The following COLEC11 variants were observed in gnomAD, a reference collection of about 807,000 sequenced individuals.
COLEC11 encodes collectin-11.
A neutral mutation model predicts 27.3 loss-of-function variants in COLEC11; 20 were observed. The ratio of observed to expected loss-of-function variants is 0.73; its 90% confidence interval spans 0.51 to 1.06. The LOEUF (loss-of-function observed/expected upper bound fraction) is 1.06. Ranked by LOEUF, COLEC11 falls within the 50% of genes least tolerant of loss-of-function variation. The probability of loss-of-function intolerance (pLI) is 0.00; values close to 1 mark genes in which losing one functional copy is unlikely to be tolerated. For synonymous variants in COLEC11, 163 were observed against 154.7 expected (o/e 1.05, Z -0.40); for missense variants, 310 against 383.0 (o/e 0.81, Z 1.59).
At chr2:3,600,674 G>C (rs1662153460) in intron 1 of COLEC11, among the ~76,000 whole-genome samples, 1 of 152,248 alleles carries the variant, frequency 6.6e-6, no homozygotes, top group African/African-American at 2.4e-5. Flanking sequence ...TGGGAGCGGG[G>C]CTGGGGCTTT....
intron 2 of COLEC11, among the ~76,000 whole-genome samples, chr2:3,606,518 G>A (rs1662713035): frequency 6.6e-6 from 1 of 152,194 alleles, no homozygotes; most frequent in South Asian, 2.1e-4. Context: ...TTGGGGAGGC[G>A]ATGCCAGCTT....
chr2:3,639,822 G>T (rs1431347201), intron 4 of COLEC11, among the ~76,000 whole-genome samples: 1 of 152,168 alleles, frequency 6.6e-6, no homozygotes, highest in East Asian at 1.9e-4. Flanking sequence ...GGATGGGAAG[G>T]ACCTTGAGCC....
intron 3 of COLEC11, among the ~76,000 whole-genome samples, chr2:3,632,886 A>T (rs961776597): frequency 9.1e-6 from 1 of 109,942 alleles, no homozygotes; most frequent in Admixed American, 9.7e-5. Context: ...TCACCTTCCC[A>T]TGAAAAAGCA....
At position 3,604,321 on chromosome 2, in the gene COLEC11, G is replaced by A. The variant is rs199779082; in HGVS notation, c.-20G>A. 7 of 1,614,174 alleles carry A rather than the reference G, an allele frequency of 4.3e-6. No individual in the cohort carries two copies. In the African/African-American group the frequency reaches 5.3e-5, roughly 12 times the overall value. On this transcript the variant is annotated 5_prime_UTR_variant, in exon 2 of 7. It adds an upstream start codon to the 5' untranslated region. Transcript: ENST00000349077. Reference sequence around the variant, plus strand: ...TATTCCTTCCTCTGTGTAGGAGTTGGTGTCCTGCCTGCGCTCAGGATGAGG... The same window carrying A: ...TATTCCTTCCTCTGTGTAGGAGTTGATGTCCTGCCTGCGCTCAGGATGAGG...
At position 3,608,577 on chromosome 2, in the gene COLEC11, C is replaced by G. The variant is rs1277102352; in HGVS notation, c.130+4107C>G. Among the ~76,000 whole-genome samples the G allele has an allele frequency of 2.6e-5, 4 of 152,284 alleles. No individual in the cohort carries two copies. In the East Asian group the frequency reaches 5.8e-4, roughly 22 times the overall value. ...GTGGGTCACGCCTGTGATCCCGGCACTTTGGGAAGCCGAGGTGGGAGGATG... is the reference window on the plus strand; with the variant it reads ...GTGGGTCACGCCTGTGATCCCGGCAGTTTGGGAAGCCGAGGTGGGAGGATG... On this transcript the variant is annotated intron_variant, in intron 2 of 6. Transcript: ENST00000349077.
intron 1 of COLEC11, among the ~76,000 whole-genome samples, chr2:3,595,706 G>C (rs577767576): frequency 6.6e-6 from 1 of 152,172 alleles, no homozygotes; most frequent in Non-Finnish European, 1.5e-5. Flanking sequence ...TTCAGATGGG[G>C]TCATCTAAAA....
At chr2:3,606,125 G>T in intron 2 of COLEC11, 2 of 1,550,636 alleles carry the variant, frequency 1.3e-6, no homozygotes, top group Non-Finnish European at 1.7e-6. Context: ...GGAACCTTCA[G>T]CTTTAGGTTG....
chr2:3,613,263 G>T, intron 2 of COLEC11, 48 bp from the exon 3 acceptor site: 1 of 1,562,918 alleles, frequency 6.4e-7, no homozygotes, highest in Non-Finnish European at 8.7e-7. Flanking sequence ...ACTCTGAGAC[G>T]CTGTGCTGGC....
At chr2:3,595,595 C>T (rs1285997908) in intron 1 of COLEC11, among the ~76,000 whole-genome samples, 1 of 152,202 alleles carries the variant, frequency 6.6e-6, no homozygotes, top group African/African-American at 2.4e-5. Flanking sequence ...CACGACTGCC[C>T]CCAGGGACCA....
At chr2:3,614,987 C>T (rs1477863923) in intron 3 of COLEC11, among the ~76,000 whole-genome samples, 1 of 152,188 alleles carries the variant, frequency 6.6e-6, no homozygotes, top group East Asian at 1.9e-4. Flanking sequence ...AAGAATTCTA[C>T]ACCCAGCTAA....
intron 3 of COLEC11, among the ~76,000 whole-genome samples, chr2:3,621,697 T>C (rs1267507962): frequency 6.6e-6 from 1 of 152,248 alleles, no homozygotes; most frequent in African/African-American, 2.4e-5. Context: ...CTTTCTTTTG[T>C]GTATGTACTA....
In COLEC11 at chr2:3,636,198, C is replaced by T. The variant is rs1324678690; in HGVS notation, c.203-1335C>T. On this transcript the variant is annotated intron_variant, in intron 3 of 6. Transcript: ENST00000349077. Reference sequence around the variant, plus strand: ...CACCGCCGGGCGCAGTGGCTCACGCCGTAATCCCAGCACTTTGGGAGGCCG... The same window carrying T: ...CACCGCCGGGCGCAGTGGCTCACGCTGTAATCCCAGCACTTTGGGAGGCCG... Among the ~76,000 whole-genome samples, 7 of 152,100 alleles carry T rather than the reference C, an allele frequency of 4.6e-5. No individual in the cohort carries two copies. The South Asian group carries it at 6.2e-4, about 14-fold the overall frequency.
intron 3 of COLEC11, among the ~76,000 whole-genome samples, chr2:3,631,881 G>T (rs1436539604): frequency 1.3e-5 from 2 of 152,190 alleles, no homozygotes; most frequent in Non-Finnish European, 2.9e-5. Context: ...CATGTGTCCA[G>T]CCCCTGGCTC....
At chr2:3,628,058 G>C (rs1664688638) in intron 3 of COLEC11, among the ~76,000 whole-genome samples, 1 of 152,252 alleles carries the variant, frequency 6.6e-6, no homozygotes, top group East Asian at 1.9e-4. Flanking sequence ...GAGTGGGCCT[G>C]GGGTCTGCAG....
At chr2:3,618,941 G>A (rs924717016) in intron 3 of COLEC11, among the ~76,000 whole-genome samples, 14 of 152,212 alleles carry the variant, frequency 9.2e-5, no homozygotes, top group African/African-American at 3.4e-4. Flanking sequence ...CAAGGAGATT[G>A]TTTCCTTAAT....
intron 2 of COLEC11, among the ~76,000 whole-genome samples, chr2:3,607,495 TG>T (rs1662825967): frequency 7.2e-6 from 1 of 138,580 alleles, no homozygotes; most frequent in African/African-American, 2.5e-5. Context: ...TTGCCCAGGC[TG>T]GAGTGCAATG....
Position 3,616,160 on chromosome 2 carries a change from A to G in COLEC11, c.202+2778A>G, listed in dbSNP as rs373545458. On this transcript the variant is annotated intron_variant, in intron 3 of 6. Transcript: ENST00000349077. ...CAGAGGCGCTCCTCACATCCCAGAC[A>G]GGGCGGCGGGGCAGAGGCGCTCCCC... Among the ~76,000 whole-genome samples, 1,235 of 135,118 alleles carry G rather than the reference A, an allele frequency of 9.1e-3. 25 individuals are homozygous for G. Among genetic ancestry groups the G allele is most frequent in the African/African-American group, 0.035 (1,125 of 32,550 alleles). The allele number at this position is 135,118 out of a possible 152,430, so 88.6% of individuals were successfully genotyped here.
chr2:3,633,791 T>A (rs897985239), intron 3 of COLEC11, among the ~76,000 whole-genome samples: 2 of 151,988 alleles, frequency 1.3e-5, no homozygotes, highest in Admixed American at 1.3e-4. Context: ...GGAAGATGCG[T>A]GTTCCCGACC....
chr2:3,618,308 T>G (rs1280733213), intron 3 of COLEC11, among the ~76,000 whole-genome samples: 1 of 152,248 alleles, frequency 6.6e-6, no homozygotes. Flanking sequence ...ACATTTTCTT[T>G]TAGGAGTTCT....
Sources: allele counts gnomAD v4.1 joint callset (sites outside exome capture counted in the v4.1 genomes callset), GRCh38; gene constraint gnomAD v4.1.1; transcripts MANE v1.5; gene names NCBI Gene and HGNC (gene_info 2026-07-23, HGNC 2026-07-21).